The following ROBO1 variants were observed in gnomAD, a reference collection of about 807,000 sequenced individuals.
The protein encoded by ROBO1 is roundabout homolog 1.
In ROBO1, 149 loss-of-function variants were observed where a neutral mutation model predicts 195.9. The observed-to-expected ratio is 0.76, with a 90% CI of 0.67 to 0.87. The LOEUF is 0.87. ROBO1 is among the 40% of genes least tolerant of loss of function. The probability of loss-of-function intolerance (pLI) is 0.00; values close to 1 mark genes in which losing one functional copy is unlikely to be tolerated. For synonymous variants in ROBO1, 816 were observed against 733.2 expected, an observed-to-expected ratio of 1.11 and a Z score of -1.82; for missense variants, 1,933 against 2,068.3, an observed-to-expected ratio of 0.93 and a Z score of 1.27.
chr3:78,668,926 A>G (rs1575884524), intron 11 of ROBO1, among the ~76,000 whole-genome samples: 1 of 152,342 alleles, frequency 6.6e-6, no homozygotes, highest in East Asian at 1.9e-4. Flanking sequence ...AAGTTATATA[A>G]TAAGGCTGAT....
intron 3 of ROBO1, among the ~76,000 whole-genome samples, chr3:78,990,290 C>T (rs1285785195): frequency 1.3e-5 from 2 of 152,082 alleles, no homozygotes; most frequent in Non-Finnish European, 2.9e-5. Context: ...TAATATTCCA[C>T]GATGTTAAAT....
intron 3 of ROBO1, 23 bp from the exon 4 acceptor site, chr3:78,938,950 T>A (rs763761984): frequency 6.4e-7 from 1 of 1,566,088 alleles, no homozygotes; most frequent in African/African-American, 1.4e-5. Context: ...TCACAAAATA[T>A]CTTCGTATAT....
rs1296701027 is a variant in ROBO1, at chr3:78,717,421, T to C, written c.779-8A>G. ...TCACAAATGATGGTCTCTCTAAAAT[T>C]AAAAAGAGTCATCTTAAGGTAAAAT... is the stretch of plus-strand genomic sequence containing the variant. On this transcript the variant is annotated splice_polypyrimidine_tract_variant and splice_region_variant and intron_variant, in intron 6 of 30. Transcript: ENST00000464233. 2.5e-6 allele frequency: 4 copies of C among 1,612,662 alleles called. No individual in the cohort carries two copies. The highest frequency in any genetic ancestry group is 2.2e-5 in the East Asian group (1 of 44,866).
intron 3 of ROBO1, among the ~76,000 whole-genome samples, chr3:79,116,427 T>TTTTCC (rs560505660): frequency 2.6e-4 from 39 of 151,138 alleles, no homozygotes; most frequent in Admixed American, 2.6e-4. Context: ...CTCTATTTTC[T>TTTTCC]TTTCCTTTCC....
At chr3:79,359,152 T>C (rs1398569980) in intron 2 of ROBO1, among the ~76,000 whole-genome samples, 1 of 152,034 alleles carries the variant, frequency 6.6e-6, no homozygotes. Context: ...ATAATGAGTA[T>C]CTTAAACTAG....
intron 5 of ROBO1, among the ~76,000 whole-genome samples, chr3:78,739,552 T>G (rs2082473772): frequency 6.6e-6 from 1 of 152,170 alleles, no homozygotes; most frequent in Non-Finnish European, 1.5e-5. Context: ...TGATGACAGT[T>G]AATTGTTTTC....
In ROBO1 at chr3:79,112,911, A is replaced by C. The variant is rs148840480; in HGVS notation, c.172+12545T>G. ...ACATGTACCCTAAAACTTAAAGTAT[A>C]ATAAAAAAATAAGTTTTAAATAGAA... On this transcript the variant is annotated intron_variant, in intron 3 of 30. Transcript: ENST00000464233. Among the ~76,000 whole-genome samples, 1,240 of 152,238 alleles carry C rather than the reference A, an allele frequency of 8.1e-3. 20 individuals carry two copies. The highest frequency in any genetic ancestry group is 0.029 in the African/African-American group (1,189 of 41,526).
At chr3:79,015,829 A>G (rs2077917918) in intron 3 of ROBO1, among the ~76,000 whole-genome samples, 1 of 152,244 alleles carries the variant, frequency 6.6e-6, no homozygotes, top group African/African-American at 2.4e-5. Context: ...TGCCATCAAC[A>G]TACCAAAATG....
In ROBO1 at chr3:79,292,748, C is replaced by A. The variant is rs150894894; in HGVS notation, c.89-167209G>T. 8.8e-4 allele frequency among the ~76,000 whole-genome samples: 134 copies of A among 152,266 alleles called. 1 individual carries two copies. The highest frequency in any genetic ancestry group is 1.8e-3 in the Non-Finnish European group (120 of 68,012). ...AGCCAACTTGATCGTGGTGGATAAG[C>A]TTGTTGATGTGCTGCTGGATTCGGT... On this transcript the variant is annotated intron_variant, in intron 2 of 30. Coordinates refer to ENST00000464233, the MANE Select transcript of ROBO1 (RefSeq NM_002941.4).
At chr3:79,434,655 C>G (rs151327523) in intron 2 of ROBO1, among the ~76,000 whole-genome samples, 4 of 152,182 alleles carry the variant, frequency 2.6e-5, no homozygotes, top group Admixed American at 1.3e-4. Context: ...GACAGTGTGG[C>G]GATTCCTCAA....
At chr3:79,399,157 A>T (rs2106769131) in intron 2 of ROBO1, among the ~76,000 whole-genome samples, 1 of 152,290 alleles carries the variant, frequency 6.6e-6, no homozygotes, top group Non-Finnish European at 1.5e-5. Flanking sequence ...AGGCAGCAGT[A>T]AGGAGAGAAA....
intron 2 of ROBO1, among the ~76,000 whole-genome samples, chr3:79,223,298 TA>T: frequency 6.6e-6 from 1 of 152,300 alleles, no homozygotes; most frequent in African/African-American, 2.4e-5. Context: ...TTATATCTCA[TA>T]AATCTACGTT....
chr3:78,935,570 A>G (rs1236249561), intron 4 of ROBO1, among the ~76,000 whole-genome samples: 2 of 152,038 alleles, frequency 1.3e-5, no homozygotes, highest in Non-Finnish European at 2.9e-5. Context: ...ATAGACCCAC[A>G]AACTATTTTC....
chr3:79,609,528 G>A (rs1278239832), intron 1 of ROBO1, among the ~76,000 whole-genome samples: 1 of 151,810 alleles, frequency 6.6e-6, no homozygotes, highest in African/African-American at 2.4e-5. Flanking sequence ...ACTGACAGTA[G>A]GTACTGAAAA....
intron 3 of ROBO1, among the ~76,000 whole-genome samples, chr3:79,057,223 C>T (rs1031177042): frequency 4.6e-5 from 7 of 152,000 alleles, no homozygotes; most frequent in African/African-American, 1.7e-4. Flanking sequence ...ACCCCTTATA[C>T]CTCTGCTCAA....
intron 2 of ROBO1, among the ~76,000 whole-genome samples, chr3:79,359,394 G>A (rs2109298770): frequency 6.6e-6 from 1 of 151,984 alleles, no homozygotes. Flanking sequence ...TTCCATACAT[G>A]GTCAAAATAA....
chr3:79,613,832 ATG>A (rs1308451014), intron 1 of ROBO1, among the ~76,000 whole-genome samples: 1 of 152,068 alleles, frequency 6.6e-6, no homozygotes, highest in East Asian at 1.9e-4. Context: ...TCGGAGAAAG[ATG>A]TGTCATGAAA....
intron 1 of ROBO1, among the ~76,000 whole-genome samples, chr3:79,732,800 A>G (rs1264675509): frequency 6.6e-6 from 1 of 152,106 alleles, no homozygotes; most frequent in Non-Finnish European, 1.5e-5. Flanking sequence ...GATGTTCCTA[A>G]TGACCTTATC....
chr3:79,437,863 T>G (rs2038936755), intron 2 of ROBO1, among the ~76,000 whole-genome samples: 2 of 151,948 alleles, frequency 1.3e-5, no homozygotes, highest in African/African-American at 4.8e-5. Flanking sequence ...GTTGTACACT[T>G]GGTGTTTGTC....
Sources: gnomAD v4.1 joint callset for allele counts (sites outside exome capture counted in the v4.1 genomes callset) on GRCh38, gnomAD v4.1.1 for gene constraint, MANE v1.5 for transcripts, NCBI Gene and HGNC (gene_info 2026-07-23, HGNC 2026-07-21) for gene names.